LRRC4C: variants seen among roughly 807,000 people sequenced by gnomAD.
LRRC4C encodes the protein leucine rich repeat containing 4C.
A neutral mutation model predicts 33.6 loss-of-function variants in LRRC4C; 5 were observed. The ratio of observed to expected loss-of-function variants is 0.15; its 90% confidence interval spans 0.08 to 0.31. The LOEUF is 0.31. Among genes scored for constraint, LRRC4C ranks in the 10% least tolerant of loss-of-function variants. The pLI, the probability that LRRC4C is intolerant of heterozygous loss-of-function variation, is 1.00. For synonymous variants in LRRC4C, 329 were observed against 302.0 expected, an observed-to-expected ratio of 1.09 and a Z score of -0.93; for missense variants, 560 against 796.7, an observed-to-expected ratio of 0.70 and a Z score of 3.58.
intron 1 of LRRC4C, among the ~76,000 whole-genome samples, chr11:41,305,731 T>C (rs1950478963): frequency 8.9e-6 from 1 of 112,316 alleles, no homozygotes; most frequent in Non-Finnish European, 1.9e-5. Flanking sequence ...TCATCACCAA[T>C]CCCTAATCTC....
intron 2 of LRRC4C, among the ~76,000 whole-genome samples, chr11:40,853,381 CAG>C (rs1345265229): frequency 6.8e-6 from 1 of 148,068 alleles, no homozygotes; most frequent in Non-Finnish European, 1.5e-5. Flanking sequence ...TTTATGTAAA[CAG>C]AAATATATAA....
chr11:40,473,786 A>T (rs1953066193), intron 3 of LRRC4C, among the ~76,000 whole-genome samples: 1 of 152,218 alleles, frequency 6.6e-6, no homozygotes, highest in African/African-American at 2.4e-5. Flanking sequence ...GACAAAAATC[A>T]CAAGCATTCC....
intron 6 of LRRC4C, among the ~76,000 whole-genome samples, chr11:40,117,865 T>A (rs1855545263): frequency 6.6e-6 from 1 of 151,884 alleles, no homozygotes; most frequent in South Asian, 2.1e-4. Context: ...ATATTATATA[T>A]CACATAGGGT....
At chr11:41,194,626 G>A (rs569957563) in intron 1 of LRRC4C, among the ~76,000 whole-genome samples, 1 of 152,040 alleles carries the variant, frequency 6.6e-6, no homozygotes, top group Non-Finnish European at 1.5e-5. Flanking sequence ...AAGAAGCAGA[G>A]GCCCCCAGGC....
chr11:40,241,385 G>T (rs537262327), intron 5 of LRRC4C, 134 bp downstream of exon 5: 6 of 152,076 alleles, frequency 3.9e-5, no homozygotes, highest in Non-Finnish European at 7.4e-5. Context: ...CTGTCTCAGA[G>T]AAATGAATAA....
intron 3 of LRRC4C, among the ~76,000 whole-genome samples, chr11:40,369,073 G>A (rs1213554548): frequency 6.6e-6 from 1 of 152,132 alleles, no homozygotes; most frequent in Non-Finnish European, 1.5e-5. Context: ...TATTTACTAC[G>A]TTCACTCAAT....
At chr11:41,430,771 T>C (rs1955204002) in intron 1 of LRRC4C, among the ~76,000 whole-genome samples, 1 of 152,142 alleles carries the variant, frequency 6.6e-6, no homozygotes. Flanking sequence ...TAAAACACTT[T>C]GAGTGTACCT....
At chr11:41,131,222 A>G (rs945590539) in intron 1 of LRRC4C, among the ~76,000 whole-genome samples, 6 of 152,064 alleles carry the variant, frequency 3.9e-5, no homozygotes, top group Non-Finnish European at 7.4e-5. Flanking sequence ...CAGGTTTTTC[A>G]GCAACTCAAA....
chr11:40,167,522 G>T (rs1859694501), intron 5 of LRRC4C, among the ~76,000 whole-genome samples: 1 of 152,080 alleles, frequency 6.6e-6, no homozygotes, highest in South Asian at 2.1e-4. Flanking sequence ...CCAGCAGAAG[G>T]CAGGCCTCGG....
intron 2 of LRRC4C, among the ~76,000 whole-genome samples, chr11:40,671,003 T>G (rs931324044): frequency 1.3e-5 from 2 of 152,182 alleles, no homozygotes; most frequent in African/African-American, 2.4e-5. Context: ...GACCTCGTGA[T>G]CCGCCCGCCT....
At chr11:41,154,417 T>A (rs1944135407) in intron 1 of LRRC4C, among the ~76,000 whole-genome samples, 1 of 152,104 alleles carries the variant, frequency 6.6e-6, no homozygotes, top group Non-Finnish European at 1.5e-5. Flanking sequence ...TATTTAGTTC[T>A]ATCATTGCTT....
chr11:40,172,720 C>T (rs2135444953), intron 5 of LRRC4C, among the ~76,000 whole-genome samples: 1 of 152,094 alleles, frequency 6.6e-6, no homozygotes, highest in Admixed American at 6.6e-5. Flanking sequence ...ACCTTCTATC[C>T]ATGACTGTGT....
At chr11:40,747,130 C>A (rs900045653) in intron 2 of LRRC4C, among the ~76,000 whole-genome samples, 1 of 151,854 alleles carries the variant, frequency 6.6e-6, no homozygotes, top group Non-Finnish European at 1.5e-5. Flanking sequence ...CCCATTGTTG[C>A]CACCACTGGG....
chr11:40,952,455 G>A (rs369661855), intron 1 of LRRC4C, among the ~76,000 whole-genome samples: 1 of 151,804 alleles, frequency 6.6e-6, no homozygotes, highest in East Asian at 1.9e-4. Flanking sequence ...TTTTGGTCGA[G>A]CATGCTCTTT....
chr11:40,415,774 A>G (rs1044782294), intron 3 of LRRC4C, among the ~76,000 whole-genome samples: 1 of 152,126 alleles, frequency 6.6e-6, no homozygotes, highest in African/African-American at 2.4e-5. Context: ...TTTCCTTTCA[A>G]TCTTTCCTTA....
intron 1 of LRRC4C, among the ~76,000 whole-genome samples, chr11:41,445,024 A>T (rs1955775604): frequency 6.6e-6 from 1 of 152,094 alleles, no homozygotes; most frequent in South Asian, 2.1e-4. Context: ...GCTGGTCTCC[A>T]ACTCCCAACC....
intron 4 of LRRC4C, among the ~76,000 whole-genome samples, chr11:40,310,027 C>G (rs1945225533): frequency 6.6e-6 from 1 of 152,062 alleles, no homozygotes; most frequent in Non-Finnish European, 1.5e-5. Context: ...GAAAGTACTG[C>G]CTTCTTACTC....
chr11:40,793,058 G>A (rs886609832), intron 2 of LRRC4C, among the ~76,000 whole-genome samples: 3 of 151,894 alleles, frequency 2.0e-5, no homozygotes, highest in Non-Finnish European at 4.4e-5. Context: ...AATGGGTGCA[G>A]CACACCAACA....
intron 1 of LRRC4C, among the ~76,000 whole-genome samples, chr11:41,276,874 T>C (rs931410201): frequency 1.3e-5 from 2 of 152,160 alleles, no homozygotes; most frequent in African/African-American, 4.8e-5. Flanking sequence ...GAATAGATTA[T>C]CCCTTTAGAG....
Sources: gnomAD v4.1 joint callset for allele counts (sites outside exome capture counted in the v4.1 genomes callset) on GRCh38, gnomAD v4.1.1 for gene constraint, MANE v1.5 for transcripts, NCBI Gene and HGNC (gene_info 2026-07-23, HGNC 2026-07-21) for gene names.